The following CNTNAP2 variants were observed in gnomAD, a reference collection of about 807,000 sequenced individuals.
The protein encoded by CNTNAP2 is contactin-associated protein-like 2.
Under a neutral mutation model 155.2 loss-of-function variants are expected in CNTNAP2, and 98 were observed. The ratio of observed to expected loss-of-function variants is 0.63; its 90% CI spans 0.54 to 0.75. CNTNAP2 has a LOEUF of 0.75. Among genes scored for constraint, CNTNAP2 ranks in the 30% least tolerant of loss-of-function variants. The pLI is 0.00. For synonymous variants in CNTNAP2, 651 were observed against 631.2 expected (o/e 1.03, Z -0.47); for missense variants, 1,727 against 1,688.1 (o/e 1.02, Z -0.40).
At chr7:148,193,106 A>G (rs1160207850) in intron 18 of CNTNAP2, among the ~76,000 whole-genome samples, 9 of 152,346 alleles carry the variant, frequency 5.9e-5, no homozygotes, top group Non-Finnish European at 1.3e-4. Context: ...CACAAAAACA[A>G]GTTTATTATT....
At chr7:146,802,340 C>A (rs1355655602) in intron 2 of CNTNAP2, among the ~76,000 whole-genome samples, 1 of 152,158 alleles carries the variant, frequency 6.6e-6, no homozygotes, top group Non-Finnish European at 1.5e-5. Context: ...TACATCAAAT[C>A]CCTGTCTTGA....
intron 21 of CNTNAP2, among the ~76,000 whole-genome samples, chr7:148,356,177 A>G (rs1366157678): frequency 6.6e-6 from 1 of 152,170 alleles, no homozygotes; most frequent in African/African-American, 2.4e-5. Flanking sequence ...TCACATAGTT[A>G]TTACTGAAGA....
At chr7:146,695,872 A>G (rs1800773783) in intron 1 of CNTNAP2, among the ~76,000 whole-genome samples, 1 of 152,188 alleles carries the variant, frequency 6.6e-6, no homozygotes, top group Admixed American at 6.5e-5. Flanking sequence ...ATTTGAACCA[A>G]CCATTGTATC....
chr7:146,748,617 T>G (rs1801852620), intron 1 of CNTNAP2, among the ~76,000 whole-genome samples: 1 of 152,346 alleles, frequency 6.6e-6, no homozygotes, highest in Admixed American at 6.5e-5. Flanking sequence ...CATTTTTCTT[T>G]CAGTAGTTTA....
intron 19 of CNTNAP2, among the ~76,000 whole-genome samples, chr7:148,227,884 CGTGTGTGTGTGTGTGTGT>C (rs3057282): frequency 1.4e-4 from 19 of 131,494 alleles, no homozygotes; most frequent in African/African-American, 3.5e-4. Flanking sequence ...AAGAGCACAG[CGTGTGTGTGTGTGTGTGT>C]GTGTGTGTGT....
intron 1 of CNTNAP2, among the ~76,000 whole-genome samples, chr7:146,322,984 G>A (rs73740439): frequency 0.08 from 12,076 of 150,696 alleles, 1,360 homozygotes; most frequent in African/African-American, 0.26. Flanking sequence ...AGCATCATCA[G>A]AGTCTTTGGA....
intron 8 of CNTNAP2, among the ~76,000 whole-genome samples, chr7:147,208,101 G>C (rs1221322504): frequency 6.6e-6 from 1 of 152,010 alleles, no homozygotes. Flanking sequence ...CCTTTGCAGA[G>C]AGTTTATACC....
At chr7:148,026,268 G>A (rs9691133) in intron 15 of CNTNAP2, among the ~76,000 whole-genome samples, 12,431 of 152,034 alleles carry the variant, frequency 0.082, 1,227 homozygotes, top group African/African-American at 0.24. Context: ...GAGTAATATA[G>A]TGAGGCCTCG....
intron 21 of CNTNAP2, among the ~76,000 whole-genome samples, chr7:148,344,800 T>G (rs1798293557): frequency 6.6e-6 from 1 of 152,216 alleles, no homozygotes. Context: ...AAGTTATCAT[T>G]TTTTAAGTGC....
rs1214414692 is a variant in CNTNAP2 at position 147,671,647 on chromosome 7, T to C, written c.2098+32341T>C. ...GGAACAGCTAATAGCACATAGAGCA[T>C]GCGTATTTGCTGTGACATGATAAAG... On this transcript the variant is annotated intron_variant, in intron 13 of 23. Transcript: ENST00000361727. 3 of 152,180 alleles carry C rather than the reference T, an allele frequency of 2.0e-5. No homozygotes were observed. In the East Asian group the frequency reaches 5.8e-4, roughly 29 times the overall value. 9.4% of individuals were successfully genotyped at this position (152,180 alleles called of 1,614,324 possible).
At chr7:147,456,251 CAAAG>C (rs1797916468) in intron 10 of CNTNAP2, among the ~76,000 whole-genome samples, 1 of 152,014 alleles carries the variant, frequency 6.6e-6, no homozygotes, top group East Asian at 1.9e-4. Flanking sequence ...AGATCTATGA[CAAAG>C]AAAGCAATTA....
intron 3 of CNTNAP2, among the ~76,000 whole-genome samples, chr7:146,957,004 T>C (rs1032383211): frequency 2.0e-5 from 3 of 152,204 alleles, no homozygotes; most frequent in Admixed American, 2.0e-4. Context: ...TCTCATCATG[T>C]GAGCATCATC....
intron 4 of CNTNAP2, among the ~76,000 whole-genome samples, chr7:147,049,765 C>T (rs1006037208): frequency 6.6e-6 from 1 of 152,082 alleles, no homozygotes; most frequent in Admixed American, 6.6e-5. Flanking sequence ...TGCCAGAAAA[C>T]TAGAGAGAGA....
chr7:146,918,390 C>A (rs556631322), intron 3 of CNTNAP2, among the ~76,000 whole-genome samples: 4 of 151,982 alleles, frequency 2.6e-5, no homozygotes, highest in Admixed American at 6.6e-5. Flanking sequence ...GTAGTGAATT[C>A]TTTCAAAATT....
intron 1 of CNTNAP2, among the ~76,000 whole-genome samples, chr7:146,684,050 C>T (rs917654794): frequency 6.6e-6 from 1 of 152,156 alleles, no homozygotes; most frequent in Non-Finnish European, 1.5e-5. Context: ...TGGGTTACGG[C>T]TCTCTCTCTA....
chr7:148,069,578 C>T (rs1001638501), intron 15 of CNTNAP2, among the ~76,000 whole-genome samples: 25 of 152,046 alleles, frequency 1.6e-4, no homozygotes, highest in African/African-American at 4.1e-4. Flanking sequence ...TTGGCTAACA[C>T]GGTGAAACCC....
At chr7:146,165,372 G>A (rs996469498) in intron 1 of CNTNAP2, among the ~76,000 whole-genome samples, 8 of 152,106 alleles carry the variant, frequency 5.3e-5, no homozygotes, top group Non-Finnish European at 1.0e-4. Flanking sequence ...TTGAAACGTG[G>A]AATATGTTTG....
chr7:147,327,308 A>G (rs1795478723), intron 9 of CNTNAP2, among the ~76,000 whole-genome samples: 1 of 152,154 alleles, frequency 6.6e-6, no homozygotes, highest in African/African-American at 2.4e-5. Context: ...GTGATTTGCT[A>G]AGAATCCTCA....
At chr7:147,262,953 T>A (rs1367853276) in intron 8 of CNTNAP2, among the ~76,000 whole-genome samples, 2 of 152,208 alleles carry the variant, frequency 1.3e-5, no homozygotes, top group Non-Finnish European at 2.9e-5. Flanking sequence ...CCAGTCTGTG[T>A]ATTTTGCTAT....
Sources: allele counts gnomAD v4.1 joint callset (sites outside exome capture counted in the v4.1 genomes callset), GRCh38; gene constraint gnomAD v4.1.1; transcripts MANE v1.5; gene names NCBI Gene and HGNC (gene_info 2026-07-23, HGNC 2026-07-21).